The following FANCD2 variants were observed in gnomAD, a reference collection of about 807,000 sequenced individuals.
The protein encoded by FANCD2 is FA complementation group D2, also known as Fanconi anemia group D2 protein.
A neutral mutation model predicts 192.3 loss-of-function variants in FANCD2; 131 were observed. The observed-to-expected ratio is 0.68, with a 90% CI of 0.59 to 0.79. The LOEUF (loss-of-function observed/expected upper bound fraction) is 0.79. Among genes scored for constraint, FANCD2 ranks in the 30% least tolerant of loss-of-function variants. The probability of loss-of-function intolerance (pLI) is 0.00; values close to 1 mark genes in which losing one functional copy is unlikely to be tolerated. For missense variants in FANCD2, 1,508 were observed against 1,701.6 expected (o/e 0.89, Z 2.00); for synonymous variants, 524 against 612.5 (o/e 0.86, Z 2.13).
At chr3:10,044,582 A>G (rs2086949942) in intron 14 of FANCD2, among the ~76,000 whole-genome samples, 1 of 151,958 alleles carries the variant, frequency 6.6e-6, no homozygotes, top group Admixed American at 6.5e-5. Context: ...GCAAGACTCC[A>G]TCTCAAAAGA....
intron 39 of FANCD2, among the ~76,000 whole-genome samples, chr3:10,094,011 C>G (rs780593607): frequency 6.6e-6 from 1 of 152,212 alleles, no homozygotes; most frequent in African/African-American, 2.4e-5. Context: ...GAGCTCCCCT[C>G]TACTCTATGC....
At chr3:10,088,686 G>A (rs1694389693) in intron 35 of FANCD2, 142 bp from the exon 36 acceptor site, 2 of 1,112,240 alleles carry the variant, frequency 1.8e-6, no homozygotes, top group African/African-American at 1.5e-5. Flanking sequence ...TTTGGAACAT[G>A]TGGATCTTAA....
chr3:10,088,553 T>G lies in FANCD2; in HGVS notation c.3560+11T>G. 6.4e-7 allele frequency: 1 copy of G among 1,571,106 alleles called. No homozygotes were observed. Among genetic ancestry groups the G allele is most frequent in the Non-Finnish European group, 8.8e-7 (1 of 1,140,800 alleles). ...CCATGCTCTGCTCTGGTGAGATGTT[T>G]GGTTTCTTCCAATGAGCCAAATAGC... is the stretch of plus-strand genomic sequence containing the variant. On this transcript the variant is annotated intron_variant, in intron 35 of 43. Transcript: ENST00000675286.
intron 2 of FANCD2, among the ~76,000 whole-genome samples, chr3:10,029,678 G>A (rs35515831): frequency 0.23 from 34,383 of 152,162 alleles, 5,033 homozygotes; most frequent in African/African-American, 0.42. Flanking sequence ...TGGTGCACCT[G>A]TCACCCGAAA....
intron 7 of FANCD2, among the ~76,000 whole-genome samples, chr3:10,038,211 C>T (rs759948329): frequency 5.3e-5 from 8 of 152,082 alleles, no homozygotes; most frequent in South Asian, 2.1e-4. Flanking sequence ...AGGCTGGCCT[C>T]GAACTCCTGA....
At chr3:10,045,071 T>G (rs1453665760) in intron 14 of FANCD2, among the ~76,000 whole-genome samples, 1 of 151,578 alleles carries the variant, frequency 6.6e-6, no homozygotes, top group Non-Finnish European at 1.5e-5. Context: ...TTGTTTGTCC[T>G]GCTTGCCTTT....
chr3:10,043,162 A>G lies in FANCD2; in HGVS notation c.989+12A>G. ...AAAGGACGAGCAAGGTAAAGAGCTC[A>G]TCCTCACACAGGATGTCACAATTTT... On this transcript the variant is annotated intron_variant, in intron 12 of 43. Transcript: ENST00000675286. The G allele has an allele frequency of 6.2e-7, 1 of 1,605,482 alleles. No individual in the cohort carries two copies. Among genetic ancestry groups the G allele is most frequent in the Non-Finnish European group, 8.5e-7 (1 of 1,172,108 alleles).
At chr3:10,082,822 C>T (rs1693926729) in intron 32 of FANCD2, among the ~76,000 whole-genome samples, 2 of 152,202 alleles carry the variant, frequency 1.3e-5, no homozygotes, top group East Asian at 3.8e-4. Context: ...CTGCTAGACT[C>T]TGAGCTCCAT....
intron 29 of FANCD2, among the ~76,000 whole-genome samples, chr3:10,075,760 T>C (rs1466613051): frequency 7.6e-6 from 1 of 131,780 alleles, no homozygotes; most frequent in African/African-American, 2.9e-5. Context: ...AGATGGAGTC[T>C]CGCTGCGTTG....
chr3:10,052,622 G>A (rs1430311908), intron 18 of FANCD2, 125 bp downstream of exon 18: 9 of 705,192 alleles, frequency 1.3e-5, no homozygotes, highest in African/African-American at 3.5e-5. Context: ...GGGTTCAAGC[G>A]ATTCTCCTGC....
chr3:10,069,017 C>T (rs1369479715), intron 26 of FANCD2, among the ~76,000 whole-genome samples: 20 of 152,182 alleles, frequency 1.3e-4, no homozygotes, highest in Admixed American at 1.3e-3. Context: ...AAATCTAAGA[C>T]TTCAAATTAT....
chr3:10,101,202 C>T lies in FANCD2; in HGVS notation c.4296C>T (p.Asp1432=), dbSNP rs202028246. ...KSKATEDGEE[D]EVSAGEKEQD... is the part of the protein sequence containing the mutation. ...TTGCCCCTTAGGATGGTGAAGAAGA[C>T]GAAGTAAGTGCTGGAGAAAAGGAGC... is the stretch of plus-strand genomic sequence containing the variant. The change falls in exon 44 of 44, where the codon GAC becomes GAT. Residue 1432 remains aspartate, a synonymous_variant. Transcript: ENST00000675286. 154 of 1,612,758 alleles carry T rather than the reference C, an allele frequency of 9.5e-5. No individual in the cohort carries two copies. The South Asian group carries it at 9.8e-4, about 10-fold the overall frequency.
intron 16 of FANCD2, 75 bp from the exon 17 acceptor site, chr3:10,049,299 C>A (rs1240870184): frequency 5.1e-6 from 7 of 1,378,662 alleles, no homozygotes; most frequent in South Asian, 4.8e-5. Context: ...ATTGGAGAGG[C>A]CTTGGGGGTG....
chr3:10,045,352 T>A (rs949972585), intron 14 of FANCD2, among the ~76,000 whole-genome samples: 22 of 151,988 alleles, frequency 1.4e-4, no homozygotes, highest in African/African-American at 5.3e-4. Context: ...GTATTTTTAG[T>A]GGAAATGGGG....
chr3:10,064,432 A>T lies in FANCD2; in HGVS notation c.2021+3A>T, dbSNP rs1420996003. 6.2e-7 allele frequency: 1 copy of T among 1,613,678 alleles called. No individual in the cohort carries two copies. The highest frequency in any genetic ancestry group is 1.1e-5 in the South Asian group (1 of 91,060). ...GACTCCTGTGTTGTTCCGGAAGGGT[A>T]GGTATTGTTTACCTGCTGGCTTGGT... On this transcript the variant is annotated splice_donor_region_variant and intron_variant, in intron 22 of 43. Coordinates refer to ENST00000675286, the MANE Select transcript of FANCD2 (RefSeq NM_001018115.3).
intron 26 of FANCD2, among the ~76,000 whole-genome samples, chr3:10,070,340 G>A (rs1165470751): frequency 7.0e-6 from 1 of 142,988 alleles, no homozygotes; most frequent in Non-Finnish European, 1.5e-5. Flanking sequence ...TGGGGGTCAG[G>A]CCCCGCCAGG....
At chr3:10,073,617 G>A (rs897131861) in intron 28 of FANCD2, among the ~76,000 whole-genome samples, 3 of 152,094 alleles carry the variant, frequency 2.0e-5, no homozygotes, top group Admixed American at 2.0e-4. Context: ...TACCCCAGCA[G>A]TACATTGAAT....
chr3:10,033,989 G>T (rs376148489), intron 3 of FANCD2, among the ~76,000 whole-genome samples: 2 of 148,542 alleles, frequency 1.3e-5, no homozygotes, highest in Non-Finnish European at 3.0e-5. Context: ...GAGCCACCGC[G>T]CCCAGCCAAA....
Position 10,028,738 on chromosome 3 carries a change from T to G in FANCD2, c.64+17T>G. 6.2e-7 allele frequency: 1 copy of G among 1,606,866 alleles called. No homozygotes were observed. Among genetic ancestry groups the G allele is most frequent in the Non-Finnish European group, 8.5e-7 (1 of 1,173,438 alleles). ...ATGCCTCCAGTAAGTATCTAGTCAT[T>G]TGTTGCTTTATTTCCTGTAGCAATG... On this transcript the variant is annotated intron_variant, in intron 2 of 43. Coordinates refer to ENST00000675286, the MANE Select transcript of FANCD2 (RefSeq NM_001018115.3).
Sources: allele counts gnomAD v4.1 joint callset (sites outside exome capture counted in the v4.1 genomes callset), GRCh38; gene constraint gnomAD v4.1.1; transcripts MANE v1.5; gene names NCBI Gene and HGNC (gene_info 2026-07-23, HGNC 2026-07-21).